The following STAU2 variants were observed in gnomAD, a reference collection of about 807,000 sequenced individuals.
The protein encoded by STAU2 is staufen double-stranded RNA binding protein 2, also known as double-stranded RNA-binding protein Staufen homolog 2.
STAU2 carries 20 observed loss-of-function variants against 65.9 expected under a neutral mutation model. The ratio of observed to expected loss-of-function variants is 0.30; its 90% CI spans 0.21 to 0.44. The LOEUF is 0.44. Ranked by LOEUF, STAU2 falls within the 20% of genes least tolerant of loss-of-function variation. The probability of loss-of-function intolerance (pLI) is 1.00; values close to 1 mark genes in which losing one functional copy is unlikely to be tolerated. For synonymous variants in STAU2, 232 were observed against 233.9 expected, an observed-to-expected ratio of 0.99 and a Z score of 0.07; for missense variants, 558 against 683.9, an observed-to-expected ratio of 0.82 and a Z score of 2.05.
chr8:73,530,055 A>C (rs1433256696), intron 13 of STAU2, among the ~76,000 whole-genome samples: 2 of 152,132 alleles, frequency 1.3e-5, no homozygotes, highest in African/African-American at 4.8e-5. Context: ...TGGAGTATAG[A>C]TATTATCATC....
chr8:73,438,898 T>C (rs1300418711), intron 13 of STAU2: 2 of 455,352 alleles, frequency 4.4e-6, no homozygotes, highest in Non-Finnish European at 8.8e-6. Context: ...GAGCTTGATT[T>C]GCTGGTAAAA....
At chr8:73,730,405 G>A (rs1805963667) in intron 3 of STAU2, among the ~76,000 whole-genome samples, 2 of 152,110 alleles carry the variant, frequency 1.3e-5, no homozygotes, top group Admixed American at 6.6e-5. Flanking sequence ...AATACAGCCT[G>A]GAGAATGTTT....
chr8:73,449,029 C>T (rs779676639), intron 13 of STAU2, among the ~76,000 whole-genome samples: 1 of 152,218 alleles, frequency 6.6e-6, no homozygotes, highest in Non-Finnish European at 1.5e-5. Flanking sequence ...CTGGAGTCGG[C>T]CCCCGGCGCA....
intron 13 of STAU2, among the ~76,000 whole-genome samples, chr8:73,477,360 T>C (rs929962391): frequency 6.6e-6 from 1 of 152,144 alleles, no homozygotes; most frequent in African/African-American, 2.4e-5. Flanking sequence ...AGCACTACTT[T>C]TTCAACAAAA....
At chr8:73,691,669 C>A (rs1480112954) in intron 4 of STAU2, among the ~76,000 whole-genome samples, 1 of 152,108 alleles carries the variant, frequency 6.6e-6, no homozygotes, top group East Asian at 1.9e-4. Context: ...CAGTATCTCT[C>A]CCCTAAACTA....
At chr8:73,669,436 A>C (rs1329736301) in intron 6 of STAU2, among the ~76,000 whole-genome samples, 1 of 152,210 alleles carries the variant, frequency 6.6e-6, no homozygotes, top group Non-Finnish European at 1.5e-5. Context: ...AGAAACTGCC[A>C]ACAAAGAAAA....
chr8:73,518,197 C>A (rs548803269), intron 13 of STAU2, among the ~76,000 whole-genome samples: 50 of 152,254 alleles, frequency 3.3e-4, no homozygotes, highest in Non-Finnish European at 5.7e-4. Flanking sequence ...AAATTGGTTT[C>A]CACTGTAAAT....
intron 13 of STAU2, among the ~76,000 whole-genome samples, chr8:73,459,226 T>C (rs1370132465): frequency 6.6e-6 from 1 of 152,144 alleles, no homozygotes; most frequent in Non-Finnish European, 1.5e-5. Flanking sequence ...ATTTAAAGGG[T>C]GCTCCTACTT....
intron 13 of STAU2, among the ~76,000 whole-genome samples, chr8:73,424,575 C>T (rs891212567): frequency 6.6e-6 from 1 of 151,956 alleles, no homozygotes; most frequent in African/African-American, 2.4e-5. Flanking sequence ...AATGTCCCAT[C>T]GCATGGATGC....
At chr8:73,492,718 G>A (rs1252504535) in intron 13 of STAU2, among the ~76,000 whole-genome samples, 3 of 151,716 alleles carry the variant, frequency 2.0e-5, no homozygotes, top group Non-Finnish European at 4.4e-5. Flanking sequence ...AAGACAGATT[G>A]GATTTATACA....
At position 73,613,744 on chromosome 8, in the gene STAU2, C is replaced by A. The variant is rs1351019284; in HGVS notation, c.891G>T (p.Lys297Asn). Residue 297 changes from lysine (K) to asparagine (N), a missense_variant and splice_region_variant, in exon 9 of 15, where the codon AAG becomes AAT. Physicochemically the swap from Lys to Asn is moderately conservative, Grantham distance 94 (BLOSUM62 0). Around this residue, in one of 3 missense-constraint regions of STAU2, gnomAD observed 199 missense variants for 299.5 expected, o/e 0.66. Transcript: ENST00000524300. ...CTGATGTTCACAAATATAAACTTACCTTTACTATTGTTTTAGGGCGTTTTT... is the reference window on the plus strand; with the variant it reads ...CTGATGTTCACAAATATAAACTTACATTTACTATTGTTTTAGGGCGTTTTT... Reference protein sequence around the residue: ...FFKKRPKTIVKAGPEYGQGMN... With the variant: ...FFKKRPKTIVNAGPEYGQGMN... 6.2e-7 allele frequency: 1 copy of A among 1,602,194 alleles called. No homozygotes were observed. Among genetic ancestry groups the A allele is most frequent in the Non-Finnish European group, 8.5e-7 (1 of 1,176,212 alleles).
At chr8:73,720,801 C>T (rs1417682137) in intron 3 of STAU2, among the ~76,000 whole-genome samples, 2 of 150,720 alleles carry the variant, frequency 1.3e-5, no homozygotes, top group African/African-American at 2.4e-5. Flanking sequence ...CGTGAGCCAC[C>T]GCGCCCGGCC....
intron 4 of STAU2, among the ~76,000 whole-genome samples, chr8:73,698,338 T>TAA (rs1819826324): frequency 6.6e-6 from 1 of 151,964 alleles, no homozygotes; most frequent in African/African-American, 2.4e-5. Context: ...GTAAATGAAC[T>TAA]AAATTCCCCA....
chr8:73,621,198 TA>T (rs1813201625), intron 6 of STAU2, among the ~76,000 whole-genome samples: 1 of 152,146 alleles, frequency 6.6e-6, no homozygotes, highest in South Asian at 2.1e-4. Flanking sequence ...GGTTGGAGGT[TA>T]AGTGAATCAT....
intron 13 of STAU2, among the ~76,000 whole-genome samples, chr8:73,464,331 C>T (rs1585809976): frequency 6.6e-6 from 1 of 152,176 alleles, no homozygotes; most frequent in South Asian, 2.1e-4. Context: ...CTTGCGGCTG[C>T]TTACTGTTCT....
At chr8:73,694,489 C>T (rs1819566480) in intron 4 of STAU2, among the ~76,000 whole-genome samples, 1 of 152,120 alleles carries the variant, frequency 6.6e-6, no homozygotes, top group African/African-American at 2.4e-5. Flanking sequence ...AAAGTATGTT[C>T]ATTGGGTAAA....
At chr8:73,518,548 C>T (rs1036389215) in intron 13 of STAU2, among the ~76,000 whole-genome samples, 1 of 152,152 alleles carries the variant, frequency 6.6e-6, no homozygotes, top group Non-Finnish European at 1.5e-5. Flanking sequence ...TTTACAGGCA[C>T]TAAAATTCAA....
chr8:73,437,084 T>A (rs1244390495), intron 13 of STAU2, among the ~76,000 whole-genome samples: 2 of 152,184 alleles, frequency 1.3e-5, no homozygotes, highest in East Asian at 3.8e-4. Flanking sequence ...TGAATCTACA[T>A]CCTGACAGTT....
intron 12 of STAU2, among the ~76,000 whole-genome samples, chr8:73,572,129 C>T (rs1373629068): frequency 6.6e-6 from 1 of 152,154 alleles, no homozygotes; most frequent in Non-Finnish European, 1.5e-5. Context: ...CACCTCTACG[C>T]AAATAAACTA....
Sources: allele counts gnomAD v4.1 joint callset (sites outside exome capture counted in the v4.1 genomes callset), GRCh38; gene constraint gnomAD v4.1.1; regional missense constraint gnomAD v4.1.1; transcripts MANE v1.5; gene names NCBI Gene and HGNC (gene_info 2026-07-23, HGNC 2026-07-21).